The following LTBP1 variants were observed in gnomAD, a reference collection of about 807,000 sequenced individuals.
LTBP1 encodes the protein latent-transforming growth factor beta-binding protein 1.
A neutral mutation model predicts 207.6 loss-of-function variants in LTBP1; 129 were observed. The ratio of observed to expected loss-of-function variants is 0.62; its 90% CI spans 0.54 to 0.72. The LOEUF is 0.72. Ranked by LOEUF, LTBP1 falls within the 30% of genes least tolerant of loss-of-function variation. The pLI is 0.00. For missense variants in LTBP1, 2,281 were observed against 2,217.2 expected (o/e 1.03, Z -0.58); for synonymous variants, 963 against 833.7 (o/e 1.16, Z -2.67).
chr2:33,103,145 A>G (rs543356509), intron 3 of LTBP1, among the ~76,000 whole-genome samples: 52 of 150,064 alleles, frequency 3.5e-4, no homozygotes, highest in African/African-American at 1.2e-3. Context: ...CACAATCTCT[A>G]TGTTGTATAC....
chr2:33,287,107 A>G (rs527623526), intron 19 of LTBP1, among the ~76,000 whole-genome samples: 1 of 152,140 alleles, frequency 6.6e-6, no homozygotes, highest in East Asian at 1.9e-4. Context: ...AACAACAACA[A>G]CAACAACAAC....
intron 2 of LTBP1, among the ~76,000 whole-genome samples, chr2:32,980,832 T>C (rs926112257): frequency 7.2e-5 from 11 of 152,298 alleles, no homozygotes; most frequent in African/African-American, 2.6e-4. Context: ...GTTTGAAGGA[T>C]ATTTTTGCCA....
chr2:33,312,018 C>A lies in LTBP1; in HGVS notation c.3604+2462C>A, dbSNP rs554805939. On this transcript the variant is annotated intron_variant, in intron 23 of 33. Coordinates refer to ENST00000404816, the MANE Select transcript of LTBP1 (RefSeq NM_206943.4). The stretch of plus-strand genomic sequence containing the variant: ...TAGTGTCTGTGAATCTGTTTTATCA[C>A]CCACCACCTCCTGTTAGAAGCTGTA... Among the ~76,000 whole-genome samples the A allele has an allele frequency of 6.6e-5, 10 of 152,300 alleles. No homozygotes were observed. In the South Asian group the frequency reaches 2.1e-3, roughly 32 times the overall value.
chr2:33,171,395 A>C (rs62146671), intron 5 of LTBP1, among the ~76,000 whole-genome samples: 56,288 of 130,758 alleles, frequency 0.43, 11,677 homozygotes, highest in Non-Finnish European at 0.46. Flanking sequence ...ATCAACTGGA[A>C]GAAAGGGTAT....
intron 5 of LTBP1, among the ~76,000 whole-genome samples, chr2:33,167,223 AAT>A (rs1307451262): frequency 6.6e-6 from 1 of 152,238 alleles, no homozygotes; most frequent in African/African-American, 2.4e-5. Context: ...GTGAATCTCT[AAT>A]ATAATATTGA....
chr2:33,243,514 T>G, intron 9 of LTBP1, 148 bp from the exon 10 acceptor site: 1 of 591,874 alleles, frequency 1.7e-6, no homozygotes, highest in Non-Finnish European at 2.8e-6. Context: ...AAACATTAAC[T>G]GATTTAAGAT....
chr2:33,376,802 G>A (rs913586564), intron 31 of LTBP1, among the ~76,000 whole-genome samples: 16 of 152,176 alleles, frequency 1.1e-4, no homozygotes, highest in African/African-American at 3.9e-4. Flanking sequence ...GGCTTTTATG[G>A]ATGGTCAGGG....
intron 5 of LTBP1, among the ~76,000 whole-genome samples, chr2:33,161,593 T>C (rs1242377441): frequency 1.3e-5 from 2 of 152,244 alleles, no homozygotes; most frequent in Non-Finnish European, 2.9e-5. Flanking sequence ...GAGACTTTGC[T>C]GTTCTTACCT....
At chr2:32,966,014 G>A (rs1374644426) in intron 2 of LTBP1, among the ~76,000 whole-genome samples, 1 of 152,126 alleles carries the variant, frequency 6.6e-6, no homozygotes, top group Non-Finnish European at 1.5e-5. Context: ...CAGTGTTTTG[G>A]ATTTTGGCCA....
intron 2 of LTBP1, among the ~76,000 whole-genome samples, chr2:32,987,488 A>G (rs1356914291): frequency 6.6e-6 from 1 of 152,144 alleles, no homozygotes; most frequent in Non-Finnish European, 1.5e-5. Flanking sequence ...GAAGCTTTCC[A>G]TCAGTTTCCT....
At position 33,321,148 on chromosome 2, in the gene LTBP1, T is replaced by C. The variant is rs141946724; in HGVS notation, c.3730+5879T>C. Reference sequence around the variant, plus strand: ...TTTCAAAAATGATTCTACTATTTGATTGAAAAATTGAGCACTGCAAGACTG... The same window carrying C: ...TTTCAAAAATGATTCTACTATTTGACTGAAAAATTGAGCACTGCAAGACTG... On this transcript the variant is annotated intron_variant, in intron 24 of 33. Coordinates refer to ENST00000404816, the MANE Select transcript of LTBP1 (RefSeq NM_206943.4). Among the ~76,000 whole-genome samples the C allele has an allele frequency of 1.3e-3, 199 of 152,252 alleles. 1 individual carries two copies. The highest frequency in any genetic ancestry group is 4.5e-3 in the African/African-American group (189 of 41,554).
rs1433318826 is a variant in LTBP1 at position 33,275,048 on chromosome 2, C to G, written c.2827C>G (p.Pro943Ala). 6.2e-7 allele frequency: 1 copy of G among 1,613,892 alleles called. No homozygotes were observed. The highest frequency in any genetic ancestry group is 1.7e-5 in the Admixed American group (1 of 59,990). Residue 943 changes from proline (P) to alanine (A), a missense_variant, in exon 17 of 34, where the codon CCA becomes GCA. By Grantham distance (27) the Pro-to-Ala change is conservative. This residue lies in a region of LTBP1 where 1,671 missense variants were observed against 1,634.8 expected (regional missense o/e 1.02). Transcript: ENST00000404816. ...NTEGSFLCIC[P>A]AGFMASEEGT... ...CGAGGGAAGTTTCTTGTGCATTTGC[C>G]CAGCAGGATTTATGGCCAGTGAGGA...
At chr2:33,268,701 AC>A (rs1250004001) in intron 15 of LTBP1, among the ~76,000 whole-genome samples, 1 of 152,254 alleles carries the variant, frequency 6.6e-6, no homozygotes, top group African/African-American at 2.4e-5. Flanking sequence ...GCAGATATTT[AC>A]AAAGTGGAAA....
intron 2 of LTBP1, among the ~76,000 whole-genome samples, chr2:33,006,081 A>G (rs1292466534): frequency 6.9e-6 from 1 of 144,640 alleles, no homozygotes; most frequent in Admixed American, 6.9e-5. Context: ...AAGAAATCTA[A>G]GAAAAAATTT....
rs558136242 is a variant in LTBP1, at chr2:33,243,718, A to G, written c.1933A>G (p.Met645Val). Residue 645 changes from methionine (M) to valine (V), a missense_variant, in exon 10 of 34, where the codon ATG becomes GTG. Met to Val is a conservative substitution (Grantham distance 21, BLOSUM62 1). This residue lies in a region of LTBP1 where 1,671 missense variants were observed against 1,634.8 expected (regional missense o/e 1.02). Coordinates refer to ENST00000404816, the MANE Select transcript of LTBP1 (RefSeq NM_206943.4). ...CCCTAATGGTGAGTGTTTGAATACC[A>G]TGGGCAGCTATCGATGTACCTGCAA... Reference protein sequence around the residue: ...VCPNGECLNTMGSYRCTCKIG... With the variant: ...VCPNGECLNTVGSYRCTCKIG... 3 of 1,613,274 alleles carry G rather than the reference A, an allele frequency of 1.9e-6. No individual in the cohort carries two copies. Among genetic ancestry groups the G allele is most frequent in the Admixed American group, 3.3e-5 (2 of 60,022 alleles).
chr2:33,278,834 A>G (rs2093499832), intron 18 of LTBP1, among the ~76,000 whole-genome samples: 1 of 152,162 alleles, frequency 6.6e-6, no homozygotes, highest in Non-Finnish European at 1.5e-5. Flanking sequence ...AAAAACCACT[A>G]TGTATCATTG....
intron 20 of LTBP1, among the ~76,000 whole-genome samples, chr2:33,293,804 C>T (rs1244619612): frequency 6.6e-6 from 1 of 151,858 alleles, no homozygotes; most frequent in African/African-American, 2.4e-5. Flanking sequence ...TTATATCTTG[C>T]TTTTTGCCAT....
intron 31 of LTBP1, among the ~76,000 whole-genome samples, chr2:33,378,195 G>A (rs1448405029): frequency 2.6e-4 from 31 of 121,370 alleles, no homozygotes; most frequent in African/African-American, 6.1e-4. Flanking sequence ...ATGTGTGTGT[G>A]TGTGTGTGTG....
At chr2:32,991,467 T>C (rs1232234576) in intron 2 of LTBP1, among the ~76,000 whole-genome samples, 1 of 152,236 alleles carries the variant, frequency 6.6e-6, no homozygotes, top group Non-Finnish European at 1.5e-5. Flanking sequence ...GTTTGGAACA[T>C]GTTTTAAAAA....
Sources: gnomAD v4.1 joint callset for allele counts (sites outside exome capture counted in the v4.1 genomes callset) on GRCh38, gnomAD v4.1.1 for gene constraint, gnomAD v4.1.1 regional missense constraint, MANE v1.5 for transcripts, NCBI Gene and HGNC (gene_info 2026-07-23, HGNC 2026-07-21) for gene names.